The following ADAMTS16 variants were observed in gnomAD, a reference collection of about 807,000 sequenced individuals.
The protein encoded by ADAMTS16 is ADAM metallopeptidase with thrombospondin type 1 motif 16.
A neutral mutation model predicts 145.8 loss-of-function variants in ADAMTS16; 94 were observed. That is an observed-to-expected ratio of 0.64 (90% CI 0.55 to 0.77). The LOEUF (loss-of-function observed/expected upper bound fraction) is 0.77. Among genes scored for constraint, ADAMTS16 ranks in the 30% least tolerant of loss-of-function variants. ADAMTS16 has a pLI of 0.00. For synonymous variants in ADAMTS16, 659 were observed against 604.3 expected (o/e 1.09, Z -1.33); for missense variants, 1,585 against 1,591.5 (o/e 1.00, Z 0.07).
intron 10 of ADAMTS16, among the ~76,000 whole-genome samples, chr5:5,222,069 A>G (rs1261370228): frequency 6.6e-6 from 1 of 152,220 alleles, no homozygotes; most frequent in Non-Finnish European, 1.5e-5. Context: ...CTTCATTGAG[A>G]CATTCCTTTG....
intron 3 of ADAMTS16, among the ~76,000 whole-genome samples, chr5:5,147,560 G>A (rs571528037): frequency 6.6e-6 from 1 of 152,278 alleles, no homozygotes; most frequent in African/African-American, 2.4e-5. Context: ...AATTTGATAT[G>A]AGTTGATCTC....
At chr5:5,215,329 CA>C (rs1736386530) in intron 10 of ADAMTS16, among the ~76,000 whole-genome samples, 1 of 152,134 alleles carries the variant, frequency 6.6e-6, no homozygotes, top group Non-Finnish European at 1.5e-5. Flanking sequence ...CTGACTGTAA[CA>C]TCAATTGTAA....
At chr5:5,158,320 A>G (rs1368909711) in intron 3 of ADAMTS16, among the ~76,000 whole-genome samples, 2 of 152,146 alleles carry the variant, frequency 1.3e-5, no homozygotes, top group Non-Finnish European at 2.9e-5. Context: ...AACTGGATGG[A>G]TGGGTGGGAA....
chr5:5,146,554 C>A, intron 3 of ADAMTS16, 99 bp downstream of exon 3: 1 of 1,251,612 alleles, frequency 8.0e-7, no homozygotes, highest in Non-Finnish European at 1.1e-6. Flanking sequence ...AGATGTTCTT[C>A]TAGTACTGCA....
At chr5:5,287,651 G>T (rs993234374) in intron 18 of ADAMTS16, among the ~76,000 whole-genome samples, 1 of 152,194 alleles carries the variant, frequency 6.6e-6, no homozygotes, top group African/African-American at 2.4e-5. Context: ...CTGAGGCTCC[G>T]GGCGGGATAT....
chr5:5,271,242 G>A (rs1004677718), intron 18 of ADAMTS16, among the ~76,000 whole-genome samples: 1 of 152,248 alleles, frequency 6.6e-6, no homozygotes, highest in Non-Finnish European at 1.5e-5. Flanking sequence ...GCAGGGGGCA[G>A]GGTGTTGGGT....
rs76851197 is a variant in ADAMTS16 at position 5,304,804 on chromosome 5, G to C, written c.3186+1038G>C. On this transcript the variant is annotated intron_variant, in intron 20 of 22. Transcript: ENST00000274181. ...GGAGGGTAGGAATGAGTGTCCCACA[G>C]AACTGAACGCACTGTCATTGGAAAA... 1.8e-3 allele frequency among the ~76,000 whole-genome samples: 272 copies of C among 152,144 alleles called. 1 individual carries two copies. Among genetic ancestry groups the C allele is most frequent in the Non-Finnish European group, 3.0e-3 (207 of 67,978 alleles).
Position 5,318,259 on chromosome 5 carries a change from C to T in ADAMTS16, c.3537C>T (p.Phe1179=), listed in dbSNP as rs779377548. 1.3e-6 allele frequency: 2 copies of T among 1,527,878 alleles called. No homozygotes were observed. The highest frequency in any genetic ancestry group is 1.8e-6 in the Non-Finnish European group (2 of 1,130,074). The allele number at this position is 1,527,878 out of a possible 1,614,324, so 94.6% of individuals were successfully genotyped here. Residue 1179 remains phenylalanine (F), a synonymous_variant, in exon 22 of 23, where the codon TTC becomes TTT. Transcript: ENST00000274181. ...CCTCCCTGGCCTGCAACACTCACTTCTGCCCCATTGCAGAGAAGAAAGGTG... is the reference window on the plus strand; with the variant it reads ...CCTCCCTGGCCTGCAACACTCACTTTTGCCCCATTGCAGAGAAGAAAGGTG... The part of the protein sequence containing the change: ...PSASLACNTH[F]CPIAEKKDAF...
chr5:5,169,228 T>C (rs1447738343), intron 3 of ADAMTS16, among the ~76,000 whole-genome samples: 1 of 152,170 alleles, frequency 6.6e-6, no homozygotes, highest in African/African-American at 2.4e-5. Flanking sequence ...TTAATAATTA[T>C]CACTATGCTC....
chr5:5,248,382 G>T (rs1472214864), intron 17 of ADAMTS16, among the ~76,000 whole-genome samples: 2 of 152,160 alleles, frequency 1.3e-5, no homozygotes, highest in Non-Finnish European at 2.9e-5. Flanking sequence ...CAAGCACATT[G>T]CTCATCAAAC....
At chr5:5,315,334 A>G (rs1188745374) in intron 21 of ADAMTS16, among the ~76,000 whole-genome samples, 1 of 152,144 alleles carries the variant, frequency 6.6e-6, no homozygotes, top group Non-Finnish European at 1.5e-5. Context: ...TCAAGATGTG[A>G]TTTGGGTGGG....
At chr5:5,288,685 A>T (rs193206695) in intron 18 of ADAMTS16, among the ~76,000 whole-genome samples, 1 of 152,356 alleles carries the variant, frequency 6.6e-6, no homozygotes, top group Non-Finnish European at 1.5e-5. Flanking sequence ...CAAAATTACT[A>T]AATGTATACA....
chr5:5,300,190 C>G (rs945792304), intron 18 of ADAMTS16, among the ~76,000 whole-genome samples: 1 of 151,966 alleles, frequency 6.6e-6, no homozygotes, highest in African/African-American at 2.4e-5. Flanking sequence ...TGTAGAATAC[C>G]CATTGTAATT....
chr5:5,157,740 C>T (rs972696883), intron 3 of ADAMTS16, among the ~76,000 whole-genome samples: 1 of 152,104 alleles, frequency 6.6e-6, no homozygotes, highest in African/African-American at 2.4e-5. Context: ...GTCTTTTCTT[C>T]TTAGGTGAAA....
In ADAMTS16 at chr5:5,189,015, G is replaced by T. The variant is rs75120123; in HGVS notation, c.1048-956G>T. Reference sequence around the variant, plus strand: ...GAAATCACCTGCTAAAGAACGCAAGGCTTGCCCCCGTGTTTGTGTGTAGCA... The same window carrying T: ...GAAATCACCTGCTAAAGAACGCAAGTCTTGCCCCCGTGTTTGTGTGTAGCA... On this transcript the variant is annotated intron_variant, in intron 6 of 22. Coordinates refer to ENST00000274181, the MANE Select transcript of ADAMTS16 (RefSeq NM_139056.4). Among the ~76,000 whole-genome samples the T allele has an allele frequency of 3.9e-5, 6 of 152,264 alleles. 1 individual carries two copies. Among genetic ancestry groups the T allele is most frequent in the Middle Eastern group, 3.4e-3 (1 of 294 alleles).
At chr5:5,283,328 A>C (rs1476891844) in intron 18 of ADAMTS16, among the ~76,000 whole-genome samples, 1 of 152,210 alleles carries the variant, frequency 6.6e-6, no homozygotes. Flanking sequence ...AGCATGACTA[A>C]ATTTTTGCTC....
chr5:5,210,645 A>G (rs1004930253), intron 10 of ADAMTS16, among the ~76,000 whole-genome samples: 1 of 152,150 alleles, frequency 6.6e-6, no homozygotes, highest in Non-Finnish European at 1.5e-5. Flanking sequence ...CCATATAGTA[A>G]CATTAAAAGT....
rs375228223 is a variant in ADAMTS16 at position 5,186,227 on chromosome 5, C to A, written c.939C>A (p.Thr313=). The change falls in exon 5 of 23, where the codon ACC becomes ACA. Residue 313 remains threonine, a synonymous_variant. Coordinates refer to ENST00000274181, the MANE Select transcript of ADAMTS16 (RefSeq NM_139056.4). ...ACCATGGCCATGAAAATATCACCAC[C>A]TACGTGCTCACGATACTCAACATGG... is the stretch of plus-strand genomic sequence containing the variant. ...MQNHGHENIT[T]YVLTILNMVS... 6.2e-6 allele frequency: 10 copies of A among 1,613,590 alleles called. No homozygotes were observed. The highest frequency in any genetic ancestry group is 4.0e-5 in the African/African-American group (3 of 74,804).
chr5:5,216,732 A>C (rs1736450792), intron 10 of ADAMTS16, among the ~76,000 whole-genome samples: 1 of 142,778 alleles, frequency 7.0e-6, no homozygotes, highest in South Asian at 2.3e-4. Flanking sequence ...CATTAGGTAT[A>C]TCTCCCGATG....
Sources: allele counts gnomAD v4.1 joint callset (sites outside exome capture counted in the v4.1 genomes callset), GRCh38; gene constraint gnomAD v4.1.1; transcripts MANE v1.5; gene names NCBI Gene and HGNC (gene_info 2026-07-23, HGNC 2026-07-21).